Variants in MED13 observed in about 807,000 individuals in gnomAD.
MED13 encodes the protein mediator of RNA polymerase II transcription subunit 13.
A neutral mutation model predicts 225.2 loss-of-function variants in MED13; 23 were observed. The ratio of observed to expected loss-of-function variants is 0.10; its 90% CI spans 0.07 to 0.14. MED13 has a LOEUF of 0.14. MED13 is among the 10% of genes least tolerant of loss of function. The probability of loss-of-function intolerance (pLI) is 1.00; values close to 1 mark genes in which losing one functional copy is unlikely to be tolerated. For synonymous variants in MED13, 942 were observed against 889.2 expected (o/e 1.06, Z -1.06); for missense variants, 2,197 against 2,594.5 (o/e 0.85, Z 3.33).
chr17:61,955,110 A>C (rs1387430836), intron 26 of MED13, among the ~76,000 whole-genome samples: 2 of 152,036 alleles, frequency 1.3e-5, no homozygotes, highest in African/African-American at 2.4e-5. Context: ...TCTCCCTTTG[A>C]CTTTGCTTCC....
intron 9 of MED13, chr17:62,007,450 C>G (rs1365491609): frequency 6.6e-6 from 1 of 152,074 alleles, no homozygotes; most frequent in African/African-American, 2.4e-5. Flanking sequence ...CCTGAGAAAA[C>G]AGAGCACCAT....
intron 8 of MED13, among the ~76,000 whole-genome samples, chr17:62,018,560 A>C (rs768230358): frequency 5.3e-5 from 8 of 152,094 alleles, no homozygotes; most frequent in South Asian, 2.1e-4. Context: ...CACACACACA[A>C]AAAGTTAGCT....
At chr17:62,047,936 G>A (rs747300779) in intron 3 of MED13, among the ~76,000 whole-genome samples, 6 of 150,602 alleles carry the variant, frequency 4.0e-5, no homozygotes, top group African/African-American at 4.9e-5. Flanking sequence ...CGGGTGCAGT[G>A]GTTAAACTTA....
intron 19 of MED13, among the ~76,000 whole-genome samples, chr17:61,965,992 G>T (rs1231170701): frequency 1.3e-5 from 2 of 151,878 alleles, no homozygotes; most frequent in African/African-American, 4.8e-5. Context: ...ATACAGTTAG[G>T]CACGGGTAGA....
intron 10 of MED13, among the ~76,000 whole-genome samples, chr17:61,993,661 G>A (rs2080321777): frequency 6.6e-6 from 1 of 151,780 alleles, no homozygotes; most frequent in Non-Finnish European, 1.5e-5. Flanking sequence ...CAGGCACGGT[G>A]GCTCACGCCT....
chr17:61,978,496 G>C (rs976986725), intron 16 of MED13, among the ~76,000 whole-genome samples: 1 of 152,044 alleles, frequency 6.6e-6, no homozygotes, highest in African/African-American at 2.4e-5. Context: ...CTCATGCCTG[G>C]AATCCCAGCA....
intron 6 of MED13, chr17:62,030,790 G>C (rs1442574885): frequency 2.0e-5 from 3 of 152,192 alleles, no homozygotes; most frequent in Non-Finnish European, 2.9e-5. Flanking sequence ...TGCATGAATC[G>C]ATGGGTCAGA....
chr17:61,951,807 C>T (rs1485400811), intron 27 of MED13, among the ~76,000 whole-genome samples: 1 of 152,130 alleles, frequency 6.6e-6, no homozygotes, highest in Non-Finnish European at 1.5e-5. Context: ...GGAAGGAATG[C>T]AAAGTAAGAC....
At position 61,985,046 on chromosome 17, in the gene MED13, G is replaced by A; in HGVS notation, c.2430C>T (p.Ser810=). Residue 810 remains serine, a synonymous_variant, in exon 13 of 30, where the codon AGC becomes AGT. Coordinates refer to ENST00000397786, the MANE Select transcript of MED13 (RefSeq NM_005121.3). ...KSANGSDDKA[S]CKESKTGNLD... is the part of the protein sequence containing the mutation. ...GATTTCCTGTCTTTGATTCCTTGCAGCTGGCTTTATCATCTGATCCATTTG... is the reference window on the plus strand; with the variant it reads ...GATTTCCTGTCTTTGATTCCTTGCAACTGGCTTTATCATCTGATCCATTTG... The A allele has an allele frequency of 6.2e-7, 1 of 1,613,872 alleles. No individual in the cohort carries two copies. Among genetic ancestry groups the A allele is most frequent in the Non-Finnish European group, 8.5e-7 (1 of 1,179,960 alleles).
intron 8 of MED13, among the ~76,000 whole-genome samples, chr17:62,018,137 A>T (rs559373322): frequency 5.6e-4 from 85 of 152,320 alleles, no homozygotes; most frequent in African/African-American, 2.0e-3. Context: ...AGAATTTTGG[A>T]AAACTATCTG....
At chr17:61,977,188 A>G (rs1232658727) in intron 16 of MED13, among the ~76,000 whole-genome samples, 1 of 152,324 alleles carries the variant, frequency 6.6e-6, no homozygotes, top group South Asian at 2.1e-4. Context: ...ACAATTAATA[A>G]ATTTTATTAT....
At chr17:62,049,388 A>C (rs1159438107) in intron 3 of MED13, among the ~76,000 whole-genome samples, 1 of 152,214 alleles carries the variant, frequency 6.6e-6, no homozygotes, top group African/African-American at 2.4e-5. Context: ...CAGCTAGAAA[A>C]TATTTCAGGC....
chr17:61,943,848 A>C lies in MED13; in HGVS notation c.*2620T>G, dbSNP rs148391388. 2 of 152,518 alleles carry C rather than the reference A, an allele frequency of 1.3e-5. No individual in the cohort carries two copies. The highest frequency in any genetic ancestry group is 2.9e-5 in the Non-Finnish European group (2 of 67,934). The allele number at this position is 152,518 out of a possible 1,614,324, so 9.4% of individuals were successfully genotyped here. A position where few individuals can be genotyped will look rare whatever the true frequency, so the allele number is the denominator to read the frequency against. Reference sequence around the variant, plus strand: ...CTTAATAATCATGGATACCTGCACAAAAAAAAAGATGTTAGCACTGTAACA... The same window carrying C: ...CTTAATAATCATGGATACCTGCACACAAAAAAAGATGTTAGCACTGTAACA... On this transcript the variant is annotated 3_prime_UTR_variant, in exon 30 of 30. Transcript: ENST00000397786.
rs2080993155 is a variant in MED13 at position 62,055,904 on chromosome 17, TTCAGAGGGGG to T, written c.302-3209_302-3200del. Among the ~76,000 whole-genome samples, 3 of 152,304 alleles carry T rather than the reference TTCAGAGGGGG, an allele frequency of 2.0e-5. No individual in the cohort carries two copies. The South Asian group carries it at 6.2e-4, about 32-fold the overall frequency. On this transcript the variant is annotated intron_variant, in intron 2 of 29. Coordinates refer to ENST00000397786, the MANE Select transcript of MED13 (RefSeq NM_005121.3). ...ATTTCTCCCTCATTATTCTAATGCT[TTCAGAGGGGG>T]TGGGCATCTTATGTCCCCAGTGCCC...
In MED13 at chr17:61,962,878, A is replaced by C; in HGVS notation, c.4938T>G (p.Pro1646=). 1 of 1,614,184 alleles carries C rather than the reference A, an allele frequency of 6.2e-7. No individual in the cohort carries two copies. ...TCTCGTCTGTATTTTCGTATGTAAA[A>C]GGATCAATTATATAAACAACAATTG... The part of the protein sequence containing the change: ...PPAIVVYIID[P]FTYENTDEST... Residue 1646 remains proline (P), a synonymous_variant, in exon 21 of 30, where the codon CCT becomes CCG. Transcript: ENST00000397786.
chr17:61,982,756 T>C lies in MED13; in HGVS notation c.3247A>G (p.Asn1083Asp). ...TCAAAGTTACAGTCTTTAAACAAATTCATAACTGATTCTGAAAGGATGAGG... is the reference window on the plus strand; with the variant it reads ...TCAAAGTTACAGTCTTTAAACAAATCCATAACTGATTCTGAAAGGATGAGG... ...VNLILSESVM[N>D]LFKDCNFDSC... The change falls in exon 16 of 30, where the codon AAT (asparagine) becomes GAT (aspartate). Residue 1083 changes from asparagine (N) to aspartate (D), a missense_variant. By Grantham distance (23) the Asn-to-Asp change is conservative. Transcript: ENST00000397786. The C allele has an allele frequency of 6.2e-7, 1 of 1,614,190 alleles. No homozygotes were observed. The highest frequency in any genetic ancestry group is 1.1e-5 in the South Asian group (1 of 91,080).
At chr17:62,031,728 TATCACATTTATACAA>T in intron 5 of MED13, 90 bp from the exon 6 acceptor site, 1 of 682,952 alleles carries the variant, frequency 1.5e-6, no homozygotes, top group Non-Finnish European at 2.2e-6. Context: ...GAAAAGTAGG[TATCACATTTATACAA>T]ATAAAAATAC....
intron 9 of MED13, among the ~76,000 whole-genome samples, chr17:61,997,808 C>G (rs774634652): frequency 6.6e-6 from 1 of 152,068 alleles, no homozygotes; most frequent in Non-Finnish European, 1.5e-5. Context: ...ATTACGTTGT[C>G]CTCTGGCAGA....
intron 8 of MED13, among the ~76,000 whole-genome samples, chr17:62,021,735 A>G (rs1437950359): frequency 2.6e-5 from 4 of 152,246 alleles, no homozygotes; most frequent in African/African-American, 7.2e-5. Flanking sequence ...TCTATATGCA[A>G]AAAGTGTGAG....
Sources: allele counts gnomAD v4.1 joint callset (sites outside exome capture counted in the v4.1 genomes callset), GRCh38; gene constraint gnomAD v4.1.1; transcripts MANE v1.5; gene names NCBI Gene and HGNC (gene_info 2026-07-23, HGNC 2026-07-21).